ACO1: variants seen among roughly 807,000 people sequenced by gnomAD.
ACO1 encodes aconitase 1.
ACO1 carries 78 observed loss-of-function variants against 105.1 expected under a neutral mutation model. The ratio of observed to expected loss-of-function variants is 0.74; its 90% CI spans 0.62 to 0.90. The LOEUF is 0.90. Ranked by LOEUF, ACO1 falls within the 40% of genes least tolerant of loss-of-function variation. The probability of loss-of-function intolerance (pLI) is 0.00; values close to 1 mark genes in which losing one functional copy is unlikely to be tolerated. For synonymous variants in ACO1, 364 were observed against 397.4 expected (o/e 0.92, Z 1.00); for missense variants, 965 against 1,111.1 (o/e 0.87, Z 1.87).
rs146392311 is a variant in ACO1 at position 32,429,087 on chromosome 9, A to G, written c.1485-332A>G. Reference sequence around the variant, plus strand: ...ATATTATTCCTGACTTATGACATATATTTTATTCATGTGCCTCATAAAATT... The same window carrying G: ...ATATTATTCCTGACTTATGACATATGTTTTATTCATGTGCCTCATAAAATT... On this transcript the variant is annotated intron_variant, in intron 12 of 20. Coordinates refer to ENST00000309951, the MANE Select transcript of ACO1 (RefSeq NM_002197.3). Among the ~76,000 whole-genome samples the G allele has an allele frequency of 3.4e-3, 518 of 152,292 alleles. 3 individuals are homozygous for G. The highest frequency in any genetic ancestry group is 0.012 in the African/African-American group (491 of 41,546).
At chr9:32,400,809 CAT>C (rs1431009748) in intron 1 of ACO1, among the ~76,000 whole-genome samples, 2 of 152,302 alleles carry the variant, frequency 1.3e-5, no homozygotes, top group African/African-American at 4.8e-5. Context: ...GAGTATGAAA[CAT>C]AGAAAGCTAA....
rs192224678 is a variant in ACO1 at position 32,407,017 on chromosome 9, C to T, written c.98-244C>T. Among the ~76,000 whole-genome samples the T allele has an allele frequency of 6.4e-3, 976 of 152,162 alleles. 7 individuals carry two copies. Among genetic ancestry groups the T allele is most frequent in the Non-Finnish European group, 0.011 (728 of 67,998 alleles). ...CAGGATGGTCTCGATCTCTTGACCT[C>T]ATGATCCGCCCGCCTCAGCCTCCCA... On this transcript the variant is annotated intron_variant, in intron 2 of 20. Coordinates refer to ENST00000309951, the MANE Select transcript of ACO1 (RefSeq NM_002197.3).
At position 32,423,369 on chromosome 9, in the gene ACO1, G is replaced by A. The variant is rs1227290108; in HGVS notation, c.1021G>A (p.Gly341Arg). 6.3e-7 allele frequency: 1 copy of A among 1,597,344 alleles called. No individual in the cohort carries two copies. The highest frequency in any genetic ancestry group is 8.5e-7 in the Non-Finnish European group (1 of 1,174,378). The change falls in exon 9 of 21, where the codon GGA (glycine) becomes AGA (arginine). Residue 341 changes from glycine (G) to arginine (R), a missense_variant. By Grantham distance (125) the Gly-to-Arg change is moderately radical. Transcript: ENST00000309951. ...TATTAAAAAATATCTTCAGGCTGTA[G>A]GAATGTTTCGAGATTTCAATGACCC... ...KYIKKYLQAV[G>R]MFRDFNDPSQ...
chr9:32,429,331 C>T (rs1242791788), intron 12 of ACO1, 88 bp from the exon 13 acceptor site: 15 of 1,219,544 alleles, frequency 1.2e-5, no homozygotes, highest in Admixed American at 1.8e-5. Context: ...CCTTTTTGAA[C>T]AGTGGTCTCT....
chr9:32,409,042 T>A (rs16918256), intron 4 of ACO1, among the ~76,000 whole-genome samples: 3,722 of 152,320 alleles, frequency 0.024, 67 homozygotes, highest in Non-Finnish European at 0.039. Flanking sequence ...CTGTTGCATA[T>A]CTAGCGATCT....
At chr9:32,419,221 G>T (rs760022481) in intron 7 of ACO1, 44 bp downstream of exon 7, 6 of 1,498,632 alleles carry the variant, frequency 4.0e-6, no homozygotes, top group South Asian at 1.4e-5. Flanking sequence ...AAGCCACAAT[G>T]ATAGCTTTCC....
rs796545830 is a variant in ACO1 at position 32,429,604 on chromosome 9, A to T, written c.1569+101A>T. 5.7e-6 allele frequency: 6 copies of T among 1,046,622 alleles called. No individual in the cohort carries two copies. In the African/African-American group the frequency reaches 6.3e-5, roughly 11 times the overall value. The allele number at this position is 1,046,622 out of a possible 1,614,324, so 64.8% of individuals were successfully genotyped here. A position where few individuals can be genotyped will look rare whatever the true frequency, so the allele number is the denominator to read the frequency against. ...TCAAGAAGGTCCATGGAAGCAGGGG[A>T]TGTGGTTTAGAGTATGATCTTTTGA... On this transcript the variant is annotated intron_variant, in intron 13 of 20. Transcript: ENST00000309951.
intron 12 of ACO1, among the ~76,000 whole-genome samples, chr9:32,428,037 G>A (rs1477753165): frequency 6.6e-6 from 1 of 151,932 alleles, no homozygotes; most frequent in East Asian, 1.9e-4. Context: ...TGCTTTGGGA[G>A]GCCAGGGCAA....
At chr9:32,407,486 T>G in intron 3 of ACO1, 57 bp downstream of exon 3, 1 of 1,537,058 alleles carries the variant, frequency 6.5e-7, no homozygotes, top group South Asian at 1.2e-5. Context: ...TTCAAGAAAG[T>G]TTTCTTTTAA....
At chr9:32,401,179 G>A (rs75927916) in intron 1 of ACO1, among the ~76,000 whole-genome samples, 2,690 of 151,552 alleles carry the variant, frequency 0.018, 37 homozygotes, top group Middle Eastern at 0.051. Flanking sequence ...AATTTAAGTT[G>A]TTTTTCCAAA....
intron 1 of ACO1, among the ~76,000 whole-genome samples, chr9:32,394,721 C>T (rs78411234): frequency 0.011 from 1,599 of 152,264 alleles, 24 homozygotes; most frequent in African/African-American, 0.035. Context: ...TATCCTGCTG[C>T]GGGGAAGGAA....
intron 12 of ACO1, among the ~76,000 whole-genome samples, chr9:32,428,072 T>C (rs1822139483): frequency 1.3e-5 from 2 of 151,520 alleles, no homozygotes; most frequent in Non-Finnish European, 2.9e-5. Context: ...GCCAGGAGTT[T>C]GAAACTAGCC....
intron 4 of ACO1, among the ~76,000 whole-genome samples, chr9:32,413,500 A>G (rs1311583870): frequency 6.9e-6 from 1 of 144,654 alleles, no homozygotes; most frequent in Non-Finnish European, 1.5e-5. Flanking sequence ...AAAAAAAAAA[A>G]AATCTTTTAG....
intron 17 of ACO1, among the ~76,000 whole-genome samples, chr9:32,435,724 A>C (rs1379440672): frequency 6.6e-6 from 1 of 152,102 alleles, no homozygotes; most frequent in Admixed American, 6.5e-5. Flanking sequence ...TCTCTCATGA[A>C]AGTTGTAAGT....
At position 32,454,498 on chromosome 9, in the gene ACO1, C is replaced by T. The variant is rs1180989222; in HGVS notation, c.*4387C>T. ...TGTGTAACAGGTTGTGTCTGAACCACAGGAGCTTCAAAACATACACGGCTG... is the reference window on the plus strand; with the variant it reads ...TGTGTAACAGGTTGTGTCTGAACCATAGGAGCTTCAAAACATACACGGCTG... On this transcript the variant is annotated 3_prime_UTR_variant, in exon 21 of 21. Coordinates refer to ENST00000309951, the MANE Select transcript of ACO1 (RefSeq NM_002197.3). The T allele has an allele frequency of 6.6e-6, 1 of 152,060 alleles. No individual in the cohort carries two copies. Among genetic ancestry groups the T allele is most frequent in the Non-Finnish European group, 1.5e-5 (1 of 68,026 alleles). 9.4% of individuals were successfully genotyped at this position (152,060 alleles called of 1,614,324 possible).
chr9:32,442,668 T>G (rs1311703167), intron 19 of ACO1, among the ~76,000 whole-genome samples: 1 of 152,234 alleles, frequency 6.6e-6, no homozygotes, highest in Non-Finnish European at 1.5e-5. Context: ...CTTTTTTGAT[T>G]GAACTTTCTG....
chr9:32,446,759 A>G (rs1822617857), intron 19 of ACO1, among the ~76,000 whole-genome samples: 1 of 152,050 alleles, frequency 6.6e-6, no homozygotes, highest in South Asian at 2.1e-4. Flanking sequence ...TTTCCTCAGG[A>G]GCTCTTGTAA....
At chr9:32,384,845 A>C (rs913762) in intron 1 of ACO1, 110 bp downstream of exon 1, 209,831 of 237,078 alleles carry the variant, frequency 0.89, 94,783 homozygotes, top group Middle Eastern at 0.97. Flanking sequence ...CAGTGGCGGC[A>C]CGGGGGACAC....
rs1563951892 is a variant in ACO1, at chr9:32,450,069, CG to C, written c.2633del (p.Gly878AlafsTer6). 1.2e-6 allele frequency: 2 copies of C among 1,613,920 alleles called. No homozygotes were observed. The highest frequency in any genetic ancestry group is 1.7e-6 in the Non-Finnish European group (2 of 1,179,956). ...ATGTGGAGCTCACTTATTTCCTCAA[CG>C]GGGGCATCCTCAACTACATGATCCG... Reference protein sequence around the residue: ...TDVELTYFLNGGILNYMIRKM... With the variant: ...TDVELTYFLNXGILNYMIRKM... On this transcript the variant is annotated frameshift_variant, in exon 21 of 21. Transcript: ENST00000309951. LOFTEE classifies it high-confidence loss of function.
Sources: allele counts gnomAD v4.1 joint callset (sites outside exome capture counted in the v4.1 genomes callset), GRCh38; gene constraint gnomAD v4.1.1; transcripts MANE v1.5; gene names NCBI Gene and HGNC (gene_info 2026-07-23, HGNC 2026-07-21).